SAMHD1: variants seen among roughly 807,000 people sequenced by gnomAD.
The protein encoded by SAMHD1 is deoxynucleoside triphosphate triphosphohydrolase SAMHD1.
Under a neutral mutation model 79.6 loss-of-function variants are expected in SAMHD1, and 54 were observed. That is an observed-to-expected ratio of 0.68 (90% CI 0.55 to 0.85). The LOEUF (loss-of-function observed/expected upper bound fraction) is 0.85, where lower values mean the gene tolerates loss of function less well. Ranked by LOEUF, SAMHD1 falls within the 40% of genes least tolerant of loss-of-function variation. The probability of loss-of-function intolerance (pLI) is 0.00; values close to 1 mark genes in which losing one functional copy is unlikely to be tolerated. For synonymous variants in SAMHD1, 260 were observed against 264.1 expected (o/e 0.98, Z 0.15); for missense variants, 663 against 782.7 (o/e 0.85, Z 1.82).
At chr20:36,912,423 G>C in intron 10 of SAMHD1, 38 bp downstream of exon 10, 1 of 1,401,828 alleles carries the variant, frequency 7.1e-7, no homozygotes, top group African/African-American at 1.4e-5. Context: ...CAAGTATCAA[G>C]GAAAATTTTA....
chr20:36,894,152 G>T (rs977270405), intron 15 of SAMHD1: 3 of 391,874 alleles, frequency 7.7e-6, no homozygotes, highest in East Asian at 7.3e-5. Context: ...CAAAACTTTT[G>T]TATCTCACCC....
At chr20:36,912,623 G>A (rs1278852579) in intron 9 of SAMHD1, 71 bp from the exon 10 acceptor site, 9 of 1,095,012 alleles carry the variant, frequency 8.2e-6, no homozygotes, top group Non-Finnish European at 1.2e-5. Flanking sequence ...AAGTATATAG[G>A]ACAAGGAAGG....
At chr20:36,947,310 G>GGT (rs35061251) in intron 1 of SAMHD1, among the ~76,000 whole-genome samples, 4,809 of 85,070 alleles carry the variant, frequency 0.057, 524 homozygotes, top group East Asian at 0.17. Flanking sequence ...ATTTGGAAGA[G>GGT]GTGTGTGTGT....
At chr20:36,918,943 C>G (rs142018512) in intron 7 of SAMHD1, among the ~76,000 whole-genome samples, 54 of 152,084 alleles carry the variant, frequency 3.6e-4, no homozygotes, top group East Asian at 3.5e-3. Flanking sequence ...CAAGACTAAC[C>G]TGGGCAACGT....
chr20:36,896,363 C>A (rs558358232), intron 15 of SAMHD1, among the ~76,000 whole-genome samples: 2 of 152,138 alleles, frequency 1.3e-5, no homozygotes, highest in Non-Finnish European at 2.9e-5. Flanking sequence ...CTTATTCCCA[C>A]GGGTGTCACT....
chr20:36,898,017 C>G, intron 14 of SAMHD1, 58 bp from the exon 15 acceptor site: 1 of 1,602,190 alleles, frequency 6.2e-7, no homozygotes, highest in Non-Finnish European at 8.5e-7. Flanking sequence ...GAGATATCAG[C>G]TGGTCCCTAG....
chr20:36,941,358 G>C (rs1244054109), intron 2 of SAMHD1, among the ~76,000 whole-genome samples: 1 of 151,900 alleles, frequency 6.6e-6, no homozygotes, highest in Non-Finnish European at 1.5e-5. Context: ...CCTCTCTCTT[G>C]GTAAATTTAA....
At chr20:36,903,582 C>T (rs775579138) in intron 13 of SAMHD1, among the ~76,000 whole-genome samples, 12 of 132,634 alleles carry the variant, frequency 9.0e-5, no homozygotes, top group Non-Finnish European at 7.8e-5. Context: ...GACAGTCTTA[C>T]TCTGCTGCCC....
At chr20:36,912,708 G>A (rs1022561627) in intron 9 of SAMHD1, among the ~76,000 whole-genome samples, 156 bp from the exon 10 acceptor site, 36 of 150,498 alleles carry the variant, frequency 2.4e-4, no homozygotes, top group Admixed American at 6.0e-4. Flanking sequence ...ACTAAAAAAT[G>A]AGGAGGCAGA....
Position 36,890,387 on chromosome 20 carries a change from T to C in SAMHD1, c.*2545A>G, listed in dbSNP as rs983826910. The C allele has an allele frequency of 7.1e-6, 1 of 141,226 alleles. No individual in the cohort carries two copies. Among genetic ancestry groups the C allele is most frequent in the African/African-American group, 2.8e-5 (1 of 36,054 alleles). 8.7% of individuals were successfully genotyped at this position (141,226 alleles called of 1,614,324 possible). ...TCCATTTTTATACAAATAGCAAAGA[T>C]ATTTCTTTCTCTTTCTTTCTTTCTT... On this transcript the variant is annotated 3_prime_UTR_variant, in exon 16 of 16. Coordinates refer to ENST00000646673, the MANE Select transcript of SAMHD1 (RefSeq NM_015474.4).
chr20:36,946,049 G>A (rs1028835054), intron 2 of SAMHD1, among the ~76,000 whole-genome samples: 7 of 151,926 alleles, frequency 4.6e-5, no homozygotes, highest in Admixed American at 2.0e-4. Flanking sequence ...TTGGGAGGCC[G>A]AGGCAAGCGG....
chr20:36,910,451 C>T (rs1189316029), intron 11 of SAMHD1, among the ~76,000 whole-genome samples: 2 of 151,552 alleles, frequency 1.3e-5, no homozygotes, highest in African/African-American at 2.4e-5. Flanking sequence ...AATAATGGGC[C>T]GGGCGTAGTG....
At chr20:36,893,821 C>T in intron 15 of SAMHD1, 2 of 398,524 alleles carry the variant, frequency 5.0e-6, no homozygotes, top group East Asian at 7.1e-5. Flanking sequence ...CTTCACTCTT[C>T]CTCTCCCTAC....
Position 36,890,983 on chromosome 20 carries a change from A to T in SAMHD1, c.*1949T>A, listed in dbSNP as rs1990061625. 1 of 152,200 alleles carries T rather than the reference A, an allele frequency of 6.6e-6. No individual in the cohort carries two copies. The highest frequency in any genetic ancestry group is 1.5e-5 in the Non-Finnish European group (1 of 68,040). 9.4% of individuals were successfully genotyped at this position (152,200 alleles called of 1,614,324 possible). A position where few individuals can be genotyped will look rare whatever the true frequency, so the allele number is the denominator to read the frequency against. On this transcript the variant is annotated 3_prime_UTR_variant, in exon 16 of 16. Transcript: ENST00000646673. ...TTAAAGGTAAGATACACAGAAATAAAATGATTTTAACAGAAAAATATGACA... is the reference window on the plus strand; with the variant it reads ...TTAAAGGTAAGATACACAGAAATAATATGATTTTAACAGAAAAATATGACA...
At chr20:36,902,743 C>A (rs926129346) in intron 13 of SAMHD1, among the ~76,000 whole-genome samples, 7 of 145,340 alleles carry the variant, frequency 4.8e-5, no homozygotes, top group Non-Finnish European at 1.1e-4. Context: ...ATCTAAGATA[C>A]TTTTTTTTTT....
intron 2 of SAMHD1, among the ~76,000 whole-genome samples, chr20:36,942,245 G>A (rs1463700753): frequency 2.6e-5 from 4 of 152,050 alleles, no homozygotes; most frequent in African/African-American, 4.8e-5. Flanking sequence ...GAGAAACCCC[G>A]TCTCTTCTAA....
chr20:36,935,262 AATT>A, intron 3 of SAMHD1, 73 bp from the exon 4 acceptor site: 1 of 1,208,168 alleles, frequency 8.3e-7, no homozygotes, highest in Non-Finnish European at 1.2e-6. Context: ...AGCCATTCCT[AATT>A]ATAGTGCAAA....
At chr20:36,913,581 T>C (rs1013483932) in intron 9 of SAMHD1, among the ~76,000 whole-genome samples, 1 of 146,802 alleles carries the variant, frequency 6.8e-6, no homozygotes, top group Non-Finnish European at 1.5e-5. Flanking sequence ...CCAGTCTGGG[T>C]GACAGAGCAA....
Position 36,892,209 on chromosome 20 carries a change from C to T in SAMHD1, c.*723G>A, listed in dbSNP as rs567631446. On this transcript the variant is annotated 3_prime_UTR_variant, in exon 16 of 16. Transcript: ENST00000646673. ...GATCTTCCCCAAAACCTAATCAGGC[C>T]TCTCACCAGCGTGTTGGAGGCCACT... The T allele has an allele frequency of 8.5e-5, 13 of 153,162 alleles. No homozygotes were observed. The East Asian group carries it at 2.5e-3, about 29-fold the overall frequency. 9.5% of individuals were successfully genotyped at this position (153,162 alleles called of 1,614,324 possible).
Sources: gnomAD v4.1 joint callset for allele counts (sites outside exome capture counted in the v4.1 genomes callset) on GRCh38, gnomAD v4.1.1 for gene constraint, MANE v1.5 for transcripts, NCBI Gene and HGNC (gene_info 2026-07-23, HGNC 2026-07-21) for gene names.